RAPGEF4: variants seen among roughly 807,000 people sequenced by gnomAD.
RAPGEF4 encodes the protein Rap guanine nucleotide exchange factor 4.
A neutral mutation model predicts 147.9 loss-of-function variants in RAPGEF4; 66 were observed. The observed-to-expected ratio is 0.45, with a 90% CI of 0.37 to 0.55. RAPGEF4 has a LOEUF of 0.55. RAPGEF4 is among the 20% of genes least tolerant of loss of function. RAPGEF4 has a pLI of 0.00. For missense variants in RAPGEF4, 1,071 were observed against 1,257.3 expected, an observed-to-expected ratio of 0.85 and a Z score of 2.24; for synonymous variants, 419 against 442.7, an observed-to-expected ratio of 0.95 and a Z score of 0.67.
At chr2:173,048,189 T>G in intron 29 of RAPGEF4, 1 of 162,910 alleles carries the variant, frequency 6.1e-6, no homozygotes, top group Non-Finnish European at 1.3e-5. Flanking sequence ...CATACCTCAT[T>G]AGTGAGTCTT....
intron 29 of RAPGEF4, among the ~76,000 whole-genome samples, chr2:173,046,961 C>G (rs2106082345): frequency 6.6e-6 from 1 of 152,284 alleles, no homozygotes; most frequent in Non-Finnish European, 1.5e-5. Flanking sequence ...TTCTCAAAGT[C>G]ATTTTCTTAT....
At chr2:172,942,486 C>G (rs970060451) in intron 6 of RAPGEF4, among the ~76,000 whole-genome samples, 2 of 150,080 alleles carry the variant, frequency 1.3e-5, no homozygotes, top group South Asian at 2.1e-4. Flanking sequence ...CATTTAGCCA[C>G]GCTATATGCC....
intron 4 of RAPGEF4, among the ~76,000 whole-genome samples, chr2:172,864,267 G>A (rs1284135143): frequency 6.6e-6 from 1 of 152,168 alleles, no homozygotes; most frequent in Non-Finnish European, 1.5e-5. Flanking sequence ...AAAAACAGCA[G>A]GTTTAAAGTA....
At chr2:172,817,767 A>G (rs1410768365) in intron 4 of RAPGEF4, among the ~76,000 whole-genome samples, 2 of 152,078 alleles carry the variant, frequency 1.3e-5, no homozygotes, top group African/African-American at 2.4e-5. Context: ...AAGTCATTAT[A>G]CAAAAAAGAT....
At chr2:172,839,056 G>A (rs1184451463) in intron 4 of RAPGEF4, among the ~76,000 whole-genome samples, 2 of 151,952 alleles carry the variant, frequency 1.3e-5, no homozygotes, top group African/African-American at 2.4e-5. Context: ...TAAAAGATCA[G>A]CAACACACTC....
intron 6 of RAPGEF4, among the ~76,000 whole-genome samples, chr2:172,937,791 T>A (rs1013219141): frequency 2.1e-5 from 1 of 48,106 alleles, no homozygotes; most frequent in Non-Finnish European, 8.9e-5. Flanking sequence ...GTTGATTGGT[T>A]TATTCTGTCA....
At chr2:172,883,033 C>A (rs1005255287) in intron 4 of RAPGEF4, among the ~76,000 whole-genome samples, 1 of 151,810 alleles carries the variant, frequency 6.6e-6, no homozygotes, top group Non-Finnish European at 1.5e-5. Flanking sequence ...AGTAGGGGAG[C>A]AGATGAGCAG....
chr2:172,772,902 A>G (rs1025395992), intron 1 of RAPGEF4, among the ~76,000 whole-genome samples: 4 of 152,198 alleles, frequency 2.6e-5, no homozygotes, highest in African/African-American at 9.6e-5. Context: ...GTGAATCACA[A>G]GCACGTGCTT....
At chr2:172,854,139 A>T (rs1472793986) in intron 4 of RAPGEF4, among the ~76,000 whole-genome samples, 1 of 152,046 alleles carries the variant, frequency 6.6e-6, no homozygotes, top group African/African-American at 2.4e-5. Flanking sequence ...CAGGTCTTAT[A>T]TGTCCCCACT....
chr2:172,993,834 G>A (rs890744880), intron 15 of RAPGEF4, among the ~76,000 whole-genome samples: 3 of 152,184 alleles, frequency 2.0e-5, no homozygotes, highest in Admixed American at 2.0e-4. Context: ...AGAAGCTGGG[G>A]TAAGGTGGCC....
chr2:172,928,001 G>C (rs973525130), intron 6 of RAPGEF4, among the ~76,000 whole-genome samples: 5 of 152,184 alleles, frequency 3.3e-5, no homozygotes, highest in Admixed American at 2.6e-4. Flanking sequence ...AGGACACATT[G>C]CTTATCACCC....
chr2:172,877,137 G>T (rs2149835879), intron 4 of RAPGEF4, among the ~76,000 whole-genome samples: 1 of 152,272 alleles, frequency 6.6e-6, no homozygotes, highest in South Asian at 2.1e-4. Context: ...GTGATAGATT[G>T]GATAAAGAAA....
In RAPGEF4 at chr2:173,051,928, A is replaced by T. The variant is rs1686287985; in HGVS notation, c.*161A>T. ...GCTGCATTCAGCTTACCAGCTACCT[A>T]GCAAGAGAAGGAATTATTTGACATG... On this transcript the variant is annotated 3_prime_UTR_variant, in exon 31 of 31. Transcript: ENST00000397081. 1 of 712,014 alleles carries T rather than the reference A, an allele frequency of 1.4e-6. No homozygotes were observed. Among genetic ancestry groups the T allele is most frequent in the East Asian group, 2.9e-5 (1 of 34,960 alleles). 44.1% of individuals were successfully genotyped at this position (712,014 alleles called of 1,614,324 possible).
At chr2:172,896,766 C>A (rs1196191806) in intron 4 of RAPGEF4, among the ~76,000 whole-genome samples, 1 of 152,176 alleles carries the variant, frequency 6.6e-6, no homozygotes, top group Non-Finnish European at 1.5e-5. Context: ...TGTTGGAGAG[C>A]ATGCTTTATT....
intron 6 of RAPGEF4, among the ~76,000 whole-genome samples, chr2:172,929,567 CT>C (rs1339864212): frequency 2.0e-5 from 3 of 152,152 alleles, no homozygotes; most frequent in South Asian, 4.1e-4. Flanking sequence ...TTATAAATGT[CT>C]AAATCCTTTT....
chr2:172,911,111 C>G (rs1478339192), intron 4 of RAPGEF4, among the ~76,000 whole-genome samples: 3 of 152,190 alleles, frequency 2.0e-5, no homozygotes, highest in Non-Finnish European at 4.4e-5. Context: ...AGAGTTGTTC[C>G]TGTTATGGCG....
intron 29 of RAPGEF4, among the ~76,000 whole-genome samples, chr2:173,039,492 G>A (rs1684483028): frequency 1.3e-5 from 2 of 151,754 alleles, no homozygotes; most frequent in African/African-American, 4.8e-5. Flanking sequence ...AAGCAGGTAT[G>A]GTAGACCTGC....
intron 16 of RAPGEF4, among the ~76,000 whole-genome samples, chr2:172,996,873 A>G (rs1693420536): frequency 6.6e-6 from 1 of 152,080 alleles, no homozygotes; most frequent in Non-Finnish European, 1.5e-5. Context: ...CATACATCCT[A>G]CCTATTCCCA....
In RAPGEF4 at chr2:172,773,452, C is replaced by T. The variant is rs1389815437; in HGVS notation, c.66-21573C>T. ...GTCACATTTTTCGTTTTGCTGCTAA[C>T]ATGTACCCTTTCATCATCATCTTCA... On this transcript the variant is annotated intron_variant, in intron 1 of 30. Coordinates refer to ENST00000397081, the MANE Select transcript of RAPGEF4 (RefSeq NM_007023.4). Among the ~76,000 whole-genome samples the T allele has an allele frequency of 2.6e-5, 4 of 152,166 alleles. No individual in the cohort carries two copies. In the East Asian group the frequency reaches 7.7e-4, roughly 29 times the overall value.
Sources: gnomAD v4.1 joint callset for allele counts (sites outside exome capture counted in the v4.1 genomes callset) on GRCh38, gnomAD v4.1.1 for gene constraint, MANE v1.5 for transcripts, NCBI Gene and HGNC (gene_info 2026-07-23, HGNC 2026-07-21) for gene names.